The following AUTS2 variants were observed in gnomAD, a reference collection of about 807,000 sequenced individuals.
AUTS2 encodes the protein autism susceptibility gene 2 protein.
Under a neutral mutation model 112.4 loss-of-function variants are expected in AUTS2, and 17 were observed. The ratio of observed to expected loss-of-function variants is 0.15; its 90% confidence interval spans 0.10 to 0.23. AUTS2 has a LOEUF of 0.23. Ranked by LOEUF, AUTS2 falls within the 10% of genes least tolerant of loss-of-function variation. The pLI is 1.00. For synonymous variants in AUTS2, 751 were observed against 702.7 expected (o/e 1.07, Z -1.09); for missense variants, 1,510 against 1,701.6 (o/e 0.89, Z 1.98).
intron 4 of AUTS2, among the ~76,000 whole-genome samples, chr7:70,196,665 A>T (rs144126134): frequency 3.3e-5 from 5 of 152,338 alleles, no homozygotes; most frequent in African/African-American, 1.2e-4. Context: ...TAAATAAAAC[A>T]TTATTCCTGG....
intron 4 of AUTS2, among the ~76,000 whole-genome samples, chr7:70,168,171 T>C (rs370415150): frequency 3.3e-5 from 5 of 152,252 alleles, no homozygotes; most frequent in Non-Finnish European, 7.3e-5. Flanking sequence ...ACTCCAGTGG[T>C]ACTCCTGAGT....
intron 1 of AUTS2, among the ~76,000 whole-genome samples, chr7:69,767,880 C>A (rs17140884): frequency 0.1 from 15,149 of 152,242 alleles, 1,199 homozygotes; most frequent in African/African-American, 0.22. Context: ...TTAAATGTCA[C>A]TTTGTGAAAC....
chr7:70,109,308 A>G (rs1674464740), intron 2 of AUTS2, among the ~76,000 whole-genome samples: 1 of 152,196 alleles, frequency 6.6e-6, no homozygotes, highest in African/African-American at 2.4e-5. Flanking sequence ...TAAAGCAATC[A>G]AATATTCCTT....
chr7:70,673,319 T>G (rs1232582613), intron 5 of AUTS2, among the ~76,000 whole-genome samples: 1 of 152,176 alleles, frequency 6.6e-6, no homozygotes, highest in Non-Finnish European at 1.5e-5. Flanking sequence ...TCTAGTACTG[T>G]GCAGGGACTT....
At chr7:69,747,784 GGTGTGTGTGTGT>G (rs10695531) in intron 1 of AUTS2, among the ~76,000 whole-genome samples, 3 of 144,502 alleles carry the variant, frequency 2.1e-5, no homozygotes, top group African/African-American at 5.2e-5. Context: ...GAAGGAGAGG[GGTGTGTGTGTGT>G]GTGTGTGTGT....
chr7:70,283,867 G>A (rs1442650437), intron 4 of AUTS2, among the ~76,000 whole-genome samples: 3 of 152,110 alleles, frequency 2.0e-5, no homozygotes, highest in Non-Finnish European at 4.4e-5. Flanking sequence ...AGGGAGGAAG[G>A]AAGAAAGGAA....
chr7:70,150,360 T>C (rs1040863233), intron 4 of AUTS2, among the ~76,000 whole-genome samples: 2 of 152,170 alleles, frequency 1.3e-5, no homozygotes, highest in Non-Finnish European at 2.9e-5. Flanking sequence ...TTGTAGACCC[T>C]CAGATGTGTA....
At chr7:70,385,734 GAAAAT>G (rs1562927918) in intron 4 of AUTS2, among the ~76,000 whole-genome samples, 1 of 152,052 alleles carries the variant, frequency 6.6e-6, no homozygotes. Context: ...TCTAAAAATA[GAAAAT>G]AAAATAAAAT....
chr7:70,626,860 G>T (rs971235081), intron 5 of AUTS2, among the ~76,000 whole-genome samples: 4 of 152,156 alleles, frequency 2.6e-5, no homozygotes. Flanking sequence ...GCTTTTTCTG[G>T]CTGCATAGTA....
In AUTS2 at chr7:70,610,290, C is replaced by T. The variant is rs1804019049; in HGVS notation, c.691-88279C>T. Among the ~76,000 whole-genome samples the T allele has an allele frequency of 1.3e-5, 2 of 152,104 alleles. 1 individual carries two copies. The highest frequency in any genetic ancestry group is 4.2e-4 in the South Asian group (2 of 4,818). Reference sequence around the variant, plus strand: ...CTGGGATTATAAGCATGAGCCACCACACCCAACCCATATTTTTAATGTTTT... The same window carrying T: ...CTGGGATTATAAGCATGAGCCACCATACCCAACCCATATTTTTAATGTTTT... On this transcript the variant is annotated intron_variant, in intron 5 of 18. Transcript: ENST00000342771.
intron 2 of AUTS2, among the ~76,000 whole-genome samples, chr7:70,048,216 A>G (rs1160372778): frequency 6.6e-6 from 1 of 152,132 alleles, no homozygotes; most frequent in African/African-American, 2.4e-5. Context: ...TGCAACATGC[A>G]TTCCTCGTGT....
chr7:69,630,188 C>T (rs1169920498), intron 1 of AUTS2, among the ~76,000 whole-genome samples: 4 of 151,996 alleles, frequency 2.6e-5, no homozygotes, highest in Admixed American at 6.6e-5. Flanking sequence ...ACTCTGGAGG[C>T]GGAGGTTGCA....
intron 3 of AUTS2, among the ~76,000 whole-genome samples, chr7:70,121,728 G>A (rs1805691586): frequency 1.3e-5 from 2 of 152,180 alleles, no homozygotes; most frequent in African/African-American, 4.8e-5. Context: ...TACATTACTG[G>A]TGGGAATGTA....
chr7:70,390,542 G>T (rs1793804486), intron 4 of AUTS2, among the ~76,000 whole-genome samples: 4 of 152,036 alleles, frequency 2.6e-5, no homozygotes, highest in Admixed American at 2.6e-4. Flanking sequence ...ACCTGAGGGT[G>T]TGCAAAAGAA....
chr7:69,917,911 C>T (rs62458780), intron 2 of AUTS2, among the ~76,000 whole-genome samples: 8,509 of 151,966 alleles, frequency 0.056, 374 homozygotes, highest in Non-Finnish European at 0.076. Context: ...GGCGCGATCT[C>T]GGCTCACTGC....
intron 6 of AUTS2, among the ~76,000 whole-genome samples, chr7:70,726,850 AAC>A (rs1431234483): frequency 6.6e-6 from 1 of 152,192 alleles, no homozygotes; most frequent in Non-Finnish European, 1.5e-5. Context: ...TGTAAAGGAT[AAC>A]ACACGGGATT....
In AUTS2 at chr7:69,876,512, A is replaced by G. The variant is rs1345517466; in HGVS notation, c.310-22774A>G. 6.1e-3 allele frequency among the ~76,000 whole-genome samples: 384 copies of G among 62,662 alleles called. 30 individuals are homozygous for G. Among genetic ancestry groups the G allele is most frequent in the African/African-American group, 0.03 (247 of 8,226 alleles). The allele number at this position is 62,662 out of a possible 152,430, so 41.1% of individuals were successfully genotyped here. Reference sequence around the variant, plus strand: ...TATATATATATATATATATATATATATATATATATATATATATATATATAT... The same window carrying G: ...TATATATATATATATATATATATATGTATATATATATATATATATATATAT... On this transcript the variant is annotated intron_variant, in intron 1 of 18. Coordinates refer to ENST00000342771, the MANE Select transcript of AUTS2 (RefSeq NM_015570.4).
Position 69,954,614 on chromosome 7 carries a change from A to C in AUTS2, c.522+55116A>C, listed in dbSNP as rs530632223. Among the ~76,000 whole-genome samples the C allele has an allele frequency of 3.3e-5, 5 of 152,344 alleles. No homozygotes were observed. The East Asian group carries it at 9.6e-4, about 29-fold the overall frequency. The stretch of plus-strand genomic sequence containing the variant: ...CTTGTTCTCAAAACCATTTTGTAAA[A>C]AGTAATGTGCTGGCCAAATAAAACA... On this transcript the variant is annotated intron_variant, in intron 2 of 18. Coordinates refer to ENST00000342771, the MANE Select transcript of AUTS2 (RefSeq NM_015570.4).
intron 5 of AUTS2, among the ~76,000 whole-genome samples, chr7:70,493,933 GA>G (rs890794135): frequency 1.3e-5 from 2 of 151,992 alleles, no homozygotes; most frequent in African/African-American, 4.8e-5. Context: ...CCACTGACCA[GA>G]AAAAAATATG....
Sources: allele counts gnomAD v4.1 joint callset (sites outside exome capture counted in the v4.1 genomes callset), GRCh38; gene constraint gnomAD v4.1.1; transcripts MANE v1.5; gene names NCBI Gene and HGNC (gene_info 2026-07-23, HGNC 2026-07-21).